DNAAF9: variants seen among roughly 807,000 people sequenced by gnomAD.
DNAAF9 encodes dynein axonemal assembly factor 9, also known as shulin.
Under a neutral mutation model 167.0 loss-of-function variants are expected in DNAAF9, and 90 were observed. The observed-to-expected ratio is 0.54, with a 90% CI of 0.45 to 0.64. The LOEUF (loss-of-function observed/expected upper bound fraction) is 0.64. Ranked by LOEUF, DNAAF9 falls within the 30% of genes least tolerant of loss-of-function variation. The probability of loss-of-function intolerance (pLI) is 0.00; values close to 1 mark genes in which losing one functional copy is unlikely to be tolerated. For synonymous variants in DNAAF9, 491 were observed against 508.8 expected, an observed-to-expected ratio of 0.96 and a Z score of 0.47; for missense variants, 1,315 against 1,442.2, an observed-to-expected ratio of 0.91 and a Z score of 1.43.
At chr20:3,269,939 CAG>C (rs1312659995) in intron 30 of DNAAF9, among the ~76,000 whole-genome samples, 1 of 147,300 alleles carries the variant, frequency 6.8e-6, no homozygotes, top group East Asian at 2.0e-4. Flanking sequence ...GCCTGGACGA[CAG>C]AGGGAGACTC....
rs552077468 is a variant in DNAAF9, at chr20:3,278,987, C to T, written c.2613-38G>A. The T allele has an allele frequency of 1.4e-5, 21 of 1,453,530 alleles. No individual in the cohort carries two copies. The South Asian group carries it at 2.4e-4, about 17-fold the overall frequency. 90.0% of individuals were successfully genotyped at this position (1,453,530 alleles called of 1,614,324 possible). On this transcript the variant is annotated intron_variant, in intron 28 of 36. Coordinates refer to ENST00000252032, the MANE Select transcript of DNAAF9 (RefSeq NM_001009984.3). ...AAGGGGGAAATATTTAAAAACCATTCACCTCAGAGTTGTCACTGATTATTT... is the reference window on the plus strand; with the variant it reads ...AAGGGGGAAATATTTAAAAACCATTTACCTCAGAGTTGTCACTGATTATTT...
At chr20:3,356,095 G>A (rs1049146493) in intron 7 of DNAAF9, among the ~76,000 whole-genome samples, 1 of 152,122 alleles carries the variant, frequency 6.6e-6, no homozygotes, top group Non-Finnish European at 1.5e-5. Context: ...TTGGCTCACT[G>A]CAACTTCCAT....
Position 3,251,397 on chromosome 20 carries a change from T to C in DNAAF9, c.*1175A>G, listed in dbSNP as rs374214096. Reference sequence around the variant, plus strand: ...TTTACAGTTCAGGCAGCTGAGGCACTGAAGTCCTAAGAGACATCACCTAAA... The same window carrying C: ...TTTACAGTTCAGGCAGCTGAGGCACCGAAGTCCTAAGAGACATCACCTAAA... On this transcript the variant is annotated 3_prime_UTR_variant, in exon 37 of 37. Coordinates refer to ENST00000252032, the MANE Select transcript of DNAAF9 (RefSeq NM_001009984.3). The C allele has an allele frequency of 4.6e-5, 7 of 152,286 alleles. No individual in the cohort carries two copies. In the East Asian group the frequency reaches 1.2e-3, roughly 25 times the overall value. 9.4% of individuals were successfully genotyped at this position (152,286 alleles called of 1,614,324 possible).
chr20:3,343,717 A>G lies in DNAAF9; in HGVS notation c.804T>C (p.Tyr268=), dbSNP rs980620621. 1.4e-5 allele frequency: 22 copies of G among 1,612,852 alleles called. No individual in the cohort carries two copies. In the Admixed American group the frequency reaches 2.0e-4, roughly 15 times the overall value. The change falls in exon 9 of 37, where the codon TAT becomes TAC. Residue 268 remains tyrosine, a synonymous_variant. Transcript: ENST00000252032. ...ESQAGEPFRS[Y]FSHGMISSHI... ...GGCTAGAGATCATTCCATGACTGAA[A>G]TAACTTCTGAATGGCTAAAAAGAAG...
chr20:3,346,629 A>G (rs1271076218), intron 8 of DNAAF9, among the ~76,000 whole-genome samples: 1 of 152,332 alleles, frequency 6.6e-6, no homozygotes, highest in East Asian at 1.9e-4. Flanking sequence ...GAGAAAATGC[A>G]CATGTATTTG....
intron 36 of DNAAF9, among the ~76,000 whole-genome samples, chr20:3,253,014 C>G (rs754747523): frequency 6.6e-6 from 1 of 152,186 alleles, no homozygotes; most frequent in Non-Finnish European, 1.5e-5. Context: ...AGGATATCAC[C>G]GCAGCTGCAT....
intron 35 of DNAAF9, 104 bp downstream of exon 35, chr20:3,255,115 T>G: frequency 1.4e-6 from 1 of 691,712 alleles, no homozygotes; most frequent in Non-Finnish European, 2.6e-6. Flanking sequence ...ACCTCCAGCA[T>G]GTCCTACAAA....
At chr20:3,291,643 G>C (rs913751424) in intron 25 of DNAAF9, among the ~76,000 whole-genome samples, 1 of 152,040 alleles carries the variant, frequency 6.6e-6, no homozygotes, top group African/African-American at 2.4e-5. Flanking sequence ...AGCCCAGCCT[G>C]TTAAGTTTTA....
chr20:3,406,137 T>C lies in DNAAF9; in HGVS notation c.83+1338A>G, dbSNP rs1308924391. Among the ~76,000 whole-genome samples the C allele has an allele frequency of 2.6e-5, 4 of 152,182 alleles. No homozygotes were observed. The East Asian group carries it at 7.7e-4, about 29-fold the overall frequency. ...ATCCTTTATTTGTTCAACAAACATA[T>C]ACTGGATTCTGGGTTGTGGAAAGGA... On this transcript the variant is annotated intron_variant, in intron 1 of 36. Transcript: ENST00000252032.
At chr20:3,348,501 C>T (rs746815956) in intron 8 of DNAAF9, 24 bp downstream of exon 8, 1 of 1,237,476 alleles carries the variant, frequency 8.1e-7, no homozygotes, top group Non-Finnish European at 1.1e-6. Context: ...TTTATTCTTC[C>T]TCTTTGACCC....
At chr20:3,372,062 A>T (rs187468862) in intron 6 of DNAAF9, among the ~76,000 whole-genome samples, 7 of 152,366 alleles carry the variant, frequency 4.6e-5, no homozygotes, top group Non-Finnish European at 8.8e-5. Context: ...CACCTACCAC[A>T]TGAGGAACAA....
chr20:3,375,614 C>T lies in DNAAF9; in HGVS notation c.409-488G>A, dbSNP rs982304303. Among the ~76,000 whole-genome samples, 9 of 152,276 alleles carry T rather than the reference C, an allele frequency of 5.9e-5. No homozygotes were observed. The East Asian group carries it at 1.3e-3, about 23-fold the overall frequency. On this transcript the variant is annotated intron_variant, in intron 4 of 36. Transcript: ENST00000252032. ...GTGGCTCACGCCTGTAATCCCAGAA[C>T]TTTGGGAGGCTGAGGTGGGCGGATC...
intron 29 of DNAAF9, among the ~76,000 whole-genome samples, 180 bp from the exon 30 acceptor site, chr20:3,270,742 C>T (rs771352234): frequency 6.6e-6 from 1 of 152,118 alleles, no homozygotes; most frequent in Admixed American, 6.6e-5. Flanking sequence ...CTTCCCGGCA[C>T]TGCCACCTCT....
intron 1 of DNAAF9, among the ~76,000 whole-genome samples, chr20:3,396,774 A>AG (rs2083913808): frequency 6.6e-6 from 1 of 152,160 alleles, no homozygotes; most frequent in Admixed American, 6.5e-5. Flanking sequence ...GAAAAAAAAA[A>AG]CTATGTGTGT....
intron 12 of DNAAF9, among the ~76,000 whole-genome samples, chr20:3,329,643 T>G (rs1365776568): frequency 6.6e-6 from 1 of 152,244 alleles, no homozygotes; most frequent in Non-Finnish European, 1.5e-5. Context: ...GGATTGGGCC[T>G]GGAGAACCTA....
At position 3,407,653 on chromosome 20, in the gene DNAAF9, G is replaced by A. The variant is rs1184672820; in HGVS notation, c.-96C>T. On this transcript the variant is annotated 5_prime_UTR_variant, in exon 1 of 37. Coordinates refer to ENST00000252032, the MANE Select transcript of DNAAF9 (RefSeq NM_001009984.3). ...CACGCTAGCTGCGGCCGGGCGGGGCGGCAGGGCGTGCCGGGTGGGAGGGGG... is the reference window on the plus strand; with the variant it reads ...CACGCTAGCTGCGGCCGGGCGGGGCAGCAGGGCGTGCCGGGTGGGAGGGGG... The A allele has an allele frequency of 6.2e-6, 7 of 1,122,388 alleles. No homozygotes were observed. Among genetic ancestry groups the A allele is most frequent in the Non-Finnish European group, 5.4e-6 (5 of 918,080 alleles). The allele number at this position is 1,122,388 out of a possible 1,614,324, so 69.5% of individuals were successfully genotyped here. A position where few individuals can be genotyped will look rare whatever the true frequency, so the allele number is the denominator to read the frequency against.
At position 3,359,522 on chromosome 20, in the gene DNAAF9, A is replaced by G. The variant is rs1600853661; in HGVS notation, c.684T>C (p.Leu228=). 1.2e-6 allele frequency: 2 copies of G among 1,609,190 alleles called. No homozygotes were observed. Among genetic ancestry groups the G allele is most frequent in the East Asian group, 4.5e-5 (2 of 44,772 alleles). The change falls in exon 7 of 37, where the codon CTT becomes CTC. Residue 228 remains leucine, a synonymous_variant. Transcript: ENST00000252032. The part of the protein sequence containing the change: ...KMDPMSLESL[L]SDDLVAFEHQ... The stretch of plus-strand genomic sequence containing the variant: ...TTACTGTTTGGCTCCTTACATCTGA[A>G]AGCAAACTCTCCAGAGACATAGGAT...
chr20:3,315,923 C>CAGGG lies in DNAAF9; in HGVS notation c.1540-139_1540-138insCCCT. 1.4e-6 allele frequency: 1 copy of CAGGG among 724,960 alleles called. No individual in the cohort carries two copies. Among genetic ancestry groups the CAGGG allele is most frequent in the Non-Finnish European group, 2.5e-6 (1 of 401,586 alleles). 44.9% of individuals were successfully genotyped at this position (724,960 alleles called of 1,614,324 possible). A position where few individuals can be genotyped will look rare whatever the true frequency, so the allele number is the denominator to read the frequency against. On this transcript the variant is annotated intron_variant, in intron 18 of 36. Transcript: ENST00000252032. This position sits in a 1 kb window ranked among gnomAD's most constrained non-coding sequence, Gnocchi z 4.1. ...CATGTCCATGTCCAGTGCTCTCAGG[C>CAGGG]CCTGACACACCTGAGATGTCTGCTG...
intron 32 of DNAAF9, 52 bp downstream of exon 32, chr20:3,259,870 A>C: frequency 9.3e-7 from 1 of 1,076,068 alleles, no homozygotes; most frequent in Non-Finnish European, 1.4e-6. Flanking sequence ...AGGCAGAATT[A>C]ACTCTGGGAC....
Sources: allele counts gnomAD v4.1 joint callset (sites outside exome capture counted in the v4.1 genomes callset), GRCh38; gene constraint gnomAD v4.1.1; non-coding constraint Gnocchi (gnomAD v3.1); transcripts MANE v1.5; gene names NCBI Gene and HGNC (gene_info 2026-07-23, HGNC 2026-07-21).